The following NIP7 variants were observed in gnomAD, a reference collection of about 807,000 sequenced individuals.
NIP7 encodes the protein nucleolar pre-rRNA processing protein NIP7, also known as 60S ribosome subunit biogenesis protein NIP7 homolog.
A neutral mutation model predicts 20.1 loss-of-function variants in NIP7; 12 were observed. That is an observed-to-expected ratio of 0.60 (90% CI 0.38 to 0.97). NIP7 has a LOEUF of 0.97. Ranked by LOEUF, NIP7 falls within the 50% of genes least tolerant of loss-of-function variation. The probability of loss-of-function intolerance (pLI) is 0.00; values close to 1 mark genes in which losing one functional copy is unlikely to be tolerated. For missense variants in NIP7, 226 were observed against 226.6 expected (o/e 1.00, Z 0.02); for synonymous variants, 103 against 87.2 (o/e 1.18, Z -1.01).
chr16:69,340,526 T>A, intron 3 of NIP7, 194 bp downstream of exon 3: 1 of 689,474 alleles, frequency 1.5e-6, no homozygotes, highest in Non-Finnish European at 2.4e-6. Context: ...TGCGTAGGGT[T>A]AGTTTTCTCC....
At position 69,341,234 on chromosome 16, in the gene NIP7, G is replaced by A; in HGVS notation, c.337G>A (p.Val113Met). 1 of 1,614,108 alleles carries A rather than the reference G, an allele frequency of 6.2e-7. No individual in the cohort carries two copies. Among genetic ancestry groups the A allele is most frequent in the Non-Finnish European group, 8.5e-7 (1 of 1,179,950 alleles). ...AEQSFLYGNH[V>M]LKSGLGRITE... ...GCAGTCCTTCCTGTATGGGAACCAT[G>A]TGTTGAAATCTGGTCTGGGTCGAAT... Residue 113 changes from valine (V) to methionine (M), a missense_variant, in exon 4 of 5, where the codon GTG becomes ATG. Transcript: ENST00000254940.
At chr16:69,340,160 C>T (rs1485065063) in intron 2 of NIP7, 34 bp from the exon 3 acceptor site, 6 of 1,613,446 alleles carry the variant, frequency 3.7e-6, no homozygotes, top group Non-Finnish European at 4.2e-6. Context: ...GAGCCTCCTT[C>T]ATCCGCAACC....
At position 69,340,032 on chromosome 16, in the gene NIP7, T is replaced by C. The variant is rs1392118214; in HGVS notation, c.83T>C (p.Val28Ala). ...ATTGGGGAGAATCTTCAACTGCTGG[T>C]GGACCGGCCCGATGGCACCTACTGT... Reference protein sequence around the residue: ...KYIGENLQLLVDRPDGTYCFR... With the variant: ...KYIGENLQLLADRPDGTYCFR... Residue 28 changes from valine (V) to alanine (A), a missense_variant, in exon 2 of 5, where the codon GTG becomes GCG. Val to Ala is a moderately conservative substitution (Grantham distance 64). Coordinates refer to ENST00000254940, the MANE Select transcript of NIP7 (RefSeq NM_016101.5). 2.1e-5 allele frequency: 34 copies of C among 1,614,080 alleles called. No homozygotes were observed. Among genetic ancestry groups the C allele is most frequent in the Middle Eastern group, 1.6e-4 (1 of 6,062 alleles).
chr16:69,340,226 C>T lies in NIP7; in HGVS notation c.176C>T (p.Ser59Phe). The part of the protein sequence containing the change: ...EKIMKLAANI[S>F]GDKLVSLGTC... ...ATTATGAAGCTGGCCGCCAATATTT[C>T]CGGGGACAAGCTGGTGTCGCTGGGG... Residue 59 changes from serine (S) to phenylalanine (F), a missense_variant, in exon 3 of 5, where the codon TCC becomes TTC. Coordinates refer to ENST00000254940, the MANE Select transcript of NIP7 (RefSeq NM_016101.5). 6.2e-7 allele frequency: 1 copy of T among 1,614,188 alleles called. No individual in the cohort carries two copies. Among genetic ancestry groups the T allele is most frequent in the Non-Finnish European group, 8.5e-7 (1 of 1,180,046 alleles).
At chr16:69,340,428 T>C (rs764974603) in intron 3 of NIP7, 96 bp downstream of exon 3, 23 of 1,469,716 alleles carry the variant, frequency 1.6e-5, no homozygotes, top group Non-Finnish European at 9.2e-6. Context: ...CCTGACAGTG[T>C]GCTTGGAGGA....
In NIP7 at chr16:69,339,839, T is replaced by C. The variant is rs769898686; in HGVS notation, c.10T>C (p.Leu4=). Residue 4 remains leucine, a synonymous_variant, in exon 1 of 5, where the codon TTG becomes CTG. Coordinates refer to ENST00000254940, the MANE Select transcript of NIP7 (RefSeq NM_016101.5). ...CAACCCAGGGGGAAAAATGCGGCCTTTGACTGAAGAGGAGACCCGTGTCAT... is the reference window on the plus strand; with the variant it reads ...CAACCCAGGGGGAAAAATGCGGCCTCTGACTGAAGAGGAGACCCGTGTCAT... MRP[L]TEEETRVMFE... is the part of the protein sequence containing the mutation. 6.2e-7 allele frequency: 1 copy of C among 1,613,134 alleles called. No individual in the cohort carries two copies. The highest frequency in any genetic ancestry group is 1.1e-5 in the South Asian group (1 of 91,040).
Position 69,342,094 on chromosome 16 carries a change from AG to A in NIP7, c.*443del, listed in dbSNP as rs1286491835. On this transcript the variant is annotated 3_prime_UTR_variant, in exon 5 of 5. Transcript: ENST00000254940. ...GAAATTTGGCTAATAGGAGCAATTC[AG>A]CTATTTTTCTATACAGTAATTGGTG... is the stretch of plus-strand genomic sequence containing the variant. The A allele has an allele frequency of 1.3e-5, 2 of 155,262 alleles. No homozygotes were observed. The highest frequency in any genetic ancestry group is 4.8e-5 in the African/African-American group (2 of 41,486). 9.6% of individuals were successfully genotyped at this position (155,262 alleles called of 1,614,324 possible).
intron 3 of NIP7, chr16:69,340,536 C>A (rs930083214): frequency 1.5e-6 from 1 of 650,302 alleles, no homozygotes; most frequent in Non-Finnish European, 2.6e-6. Context: ...TAGTTTTCTC[C>A]AGCGAAGTAG....
chr16:69,339,798 C>G lies in NIP7; in HGVS notation c.-32C>G, dbSNP rs1006032107. On this transcript the variant is annotated 5_prime_UTR_variant, in exon 1 of 5. Transcript: ENST00000254940. ...ACTTCCGTTTCCAGTTACCAAGGCA[C>G]GAGGATCCGGTGTTCCAACCCAGGG... 3.1e-6 allele frequency: 5 copies of G among 1,611,082 alleles called. No homozygotes were observed. Among genetic ancestry groups the G allele is most frequent in the Non-Finnish European group, 4.2e-6 (5 of 1,179,012 alleles).
intron 3 of NIP7, chr16:69,340,563 C>T: frequency 1.9e-6 from 1 of 532,904 alleles, no homozygotes; most frequent in East Asian, 3.0e-5. Context: ...CTAGGGAGAC[C>T]CAGCTAGAGA....
intron 2 of NIP7, 25 bp from the exon 3 acceptor site, chr16:69,340,169 C>T (rs1455412731): frequency 2.5e-6 from 4 of 1,613,330 alleles, no homozygotes; most frequent in South Asian, 1.1e-5. Flanking sequence ...TCATCCGCAA[C>T]CTTGCTCCCC....
Position 69,340,307 on chromosome 16 carries a change from T to A in NIP7, c.257T>A (p.Leu86Gln), listed in dbSNP as rs1240514407. The change falls in exon 3 of 5, where the codon CTG becomes CAG. Residue 86 changes from leucine to glutamine, a missense_variant. Transcript: ENST00000254940. The part of the protein sequence containing the change: ...THKFRLHVTA[L>Q]DYLAPYAKYK... ...AAGTTTCGGTTGCACGTCACAGCTC[T>A]GGATTACCTTGCACCTTATGCCAAG... 6.2e-7 allele frequency: 1 copy of A among 1,613,626 alleles called. No homozygotes were observed. Among genetic ancestry groups the A allele is most frequent in the Admixed American group, 1.7e-5 (1 of 60,016 alleles).
In NIP7 at chr16:69,341,642, C is replaced by T. The variant is rs2142673079; in HGVS notation, c.533C>T (p.Thr178Met). Reference protein sequence around the residue: ...DIGEYVRHEETLT With the variant: ...DIGEYVRHEEMLT The stretch of plus-strand genomic sequence containing the variant: ...GGGGAATATGTGCGGCATGAAGAGA[C>T]GTTGACTTAAAACGAAGCCATTCCA... Residue 178 changes from threonine (T) to methionine (M), a missense_variant, in exon 5 of 5, where the codon ACG becomes ATG. Transcript: ENST00000254940. 1.2e-6 allele frequency: 2 copies of T among 1,614,140 alleles called. No individual in the cohort carries two copies. The highest frequency in any genetic ancestry group is 1.3e-5 in the African/African-American group (1 of 75,034).
Position 69,341,709 on chromosome 16 carries a change from T to G in NIP7, c.*57T>G. The G allele has an allele frequency of 2.5e-6, 4 of 1,605,378 alleles. No individual in the cohort carries two copies. Among genetic ancestry groups the G allele is most frequent in the Non-Finnish European group, 2.6e-6 (3 of 1,174,258 alleles). ...TGGAAAGGCCGAGCTTTGTTTCCTGTGTTTGTGTGGACTCCACCATCATGT... is the reference window on the plus strand; with the variant it reads ...TGGAAAGGCCGAGCTTTGTTTCCTGGGTTTGTGTGGACTCCACCATCATGT... On this transcript the variant is annotated 3_prime_UTR_variant, in exon 5 of 5. Transcript: ENST00000254940.
chr16:69,340,490 G>A (rs1185441481), intron 3 of NIP7, 158 bp downstream of exon 3: 1 of 924,808 alleles, frequency 1.1e-6, no homozygotes. Context: ...CATGGTCAGG[G>A]CTATGGGATA....
rs770119699 is a variant in NIP7 at position 69,340,288 on chromosome 16, C to T, written c.238C>T (p.Arg80Trp). Residue 80 changes from arginine to tryptophan, a missense_variant, in exon 3 of 5, where the codon CGG (arginine) becomes TGG (tryptophan). By Grantham distance (101) the Arg-to-Trp change is moderately radical. Coordinates refer to ENST00000254940, the MANE Select transcript of NIP7 (RefSeq NM_016101.5). The stretch of plus-strand genomic sequence containing the variant: ...AAAATTCACTAAAACCCACAAGTTT[C>T]GGTTGCACGTCACAGCTCTGGATTA... ...FGKFTKTHKF[R>W]LHVTALDYLA... 1 of 1,614,088 alleles carries T rather than the reference C, an allele frequency of 6.2e-7. No homozygotes were observed. The highest frequency in any genetic ancestry group is 1.7e-5 in the Admixed American group (1 of 60,026).
intron 3 of NIP7, chr16:69,340,805 CTTTCCAG>C (rs1259871069): frequency 2.2e-5 from 5 of 223,904 alleles, no homozygotes; most frequent in Non-Finnish European, 4.5e-5. Flanking sequence ...GCAGCCTCCA[CTTTCCAG>C]TTTCCAGTGA....
In NIP7 at chr16:69,339,835, G is replaced by C. The variant is rs1280998559; in HGVS notation, c.6G>C (p.Arg2=). M[R]PLTEEETRVM... Reference sequence around the variant, plus strand: ...GTTCCAACCCAGGGGGAAAAATGCGGCCTTTGACTGAAGAGGAGACCCGTG... The same window carrying C: ...GTTCCAACCCAGGGGGAAAAATGCGCCCTTTGACTGAAGAGGAGACCCGTG... The change falls in exon 1 of 5, where the codon CGG becomes CGC. Residue 2 remains arginine (R), a synonymous_variant. Coordinates refer to ENST00000254940, the MANE Select transcript of NIP7 (RefSeq NM_016101.5). The C allele has an allele frequency of 6.2e-7, 1 of 1,613,030 alleles. No individual in the cohort carries two copies. Among genetic ancestry groups the C allele is most frequent in the Admixed American group, 1.7e-5 (1 of 60,014 alleles).
intron 3 of NIP7, chr16:69,340,875 AT>A (rs560971381): frequency 5.8e-5 from 15 of 257,698 alleles, no homozygotes; most frequent in Non-Finnish European, 8.4e-5. Flanking sequence ...CACCTGGCTG[AT>A]TTTTTTGTGT....
Sources: allele counts gnomAD v4.1 joint callset, GRCh38; gene constraint gnomAD v4.1.1; transcripts MANE v1.5; gene names NCBI Gene and HGNC (gene_info 2026-07-23, HGNC 2026-07-21).